The following CCNT1 variants were observed in gnomAD, a reference collection of about 807,000 sequenced individuals.
CCNT1 encodes cyclin-T1.
CCNT1 carries 18 observed loss-of-function variants against 67.3 expected under a neutral mutation model. The ratio of observed to expected loss-of-function variants is 0.27; its 90% CI spans 0.18 to 0.40. The LOEUF (loss-of-function observed/expected upper bound fraction) is 0.40, where lower values mean the gene tolerates loss of function less well. Ranked by LOEUF, CCNT1 falls within the 10% of genes least tolerant of loss-of-function variation. CCNT1 has a pLI of 1.00. For synonymous variants in CCNT1, 333 were observed against 310.3 expected, an observed-to-expected ratio of 1.07 and a Z score of -0.77; for missense variants, 744 against 884.9, an observed-to-expected ratio of 0.84 and a Z score of 2.02.
In CCNT1 at chr12:48,716,649, G is replaced by C. The variant is rs759127329; in HGVS notation, c.27C>G (p.Asn9Lys). The C allele has an allele frequency of 6.2e-7, 1 of 1,614,138 alleles. No homozygotes were observed. The highest frequency in any genetic ancestry group is 1.1e-5 in the South Asian group (1 of 91,080). The change falls in exon 1 of 9, where the codon AAC (asparagine) becomes AAG (lysine). Residue 9 changes from asparagine (N) to lysine (K), a missense_variant. By Grantham distance (94) the Asn-to-Lys change is moderately conservative. Coordinates refer to ENST00000261900, the MANE Select transcript of CCNT1 (RefSeq NM_001240.4). MEGERKNN[N>K]KRWYFTREQL... is the part of the protein sequence containing the mutation. ...GTTCTCGAGTGAAATACCACCGTTT[G>C]TTGTTGTTCTTCCTCTCTCCCTCCA... is the stretch of plus-strand genomic sequence containing the variant.
intron 2 of CCNT1, among the ~76,000 whole-genome samples, chr12:48,714,173 G>A (rs998536538): frequency 6.6e-6 from 1 of 152,180 alleles, no homozygotes; most frequent in Non-Finnish European, 1.5e-5. Flanking sequence ...CTCTCAAAGT[G>A]CTGGGATTAC....
At position 48,705,705 on chromosome 12, in the gene CCNT1, G is replaced by A. The variant is rs534452648; in HGVS notation, c.372+63C>T. 5.6e-5 allele frequency: 75 copies of A among 1,338,608 alleles called. No homozygotes were observed. The African/African-American group carries it at 1.0e-3, about 18-fold the overall frequency. The allele number at this position is 1,338,608 out of a possible 1,614,324, so 82.9% of individuals were successfully genotyped here. A position where few individuals can be genotyped will look rare whatever the true frequency, so the allele number is the denominator to read the frequency against. ...TACATAAAGATCCAGGCATGCTTGG[G>A]AGTAGGGAAAAAAAAAGAAAGGAAA... is the stretch of plus-strand genomic sequence containing the variant. On this transcript the variant is annotated intron_variant, in intron 3 of 8. Transcript: ENST00000261900.
rs759919820 is a variant in CCNT1 at position 48,712,595 on chromosome 12, TAA to T, written c.243+1846_243+1847del. On this transcript the variant is annotated intron_variant, in intron 2 of 8. Coordinates refer to ENST00000261900, the MANE Select transcript of CCNT1 (RefSeq NM_001240.4). ...TCTTTTCCTTAAAAAAAAAAAAAAATAAAAAAAAAAAAAAAAAAAAAAAGCAG... is the reference window on the plus strand; with the variant it reads ...TCTTTTCCTTAAAAAAAAAAAAAAATAAAAAAAAAAAAAAAAAAAAAGCAG... Among the ~76,000 whole-genome samples the T allele has an allele frequency of 1.5e-4, 5 of 33,380 alleles. 1 individual carries two copies. The highest frequency in any genetic ancestry group is 5.9e-4 in the African/African-American group (4 of 6,782). 21.9% of individuals were successfully genotyped at this position (33,380 alleles called of 152,430 possible). A position where few individuals can be genotyped will look rare whatever the true frequency, so the allele number is the denominator to read the frequency against.
intron 3 of CCNT1, among the ~76,000 whole-genome samples, chr12:48,704,025 A>G (rs550130785): frequency 6.6e-6 from 1 of 152,342 alleles, no homozygotes; most frequent in South Asian, 2.1e-4. Context: ...AAATACATAC[A>G]TTCACATATA....
rs566301791 is a variant in CCNT1, at chr12:48,690,626, G to A, written c.*2407C>T. 1 of 152,160 alleles carries A rather than the reference G, an allele frequency of 6.6e-6. No individual in the cohort carries two copies. The highest frequency in any genetic ancestry group is 1.5e-5 in the Non-Finnish European group (1 of 68,042). The allele number at this position is 152,160 out of a possible 1,614,324, so 9.4% of individuals were successfully genotyped here. On this transcript the variant is annotated 3_prime_UTR_variant, in exon 9 of 9. Transcript: ENST00000261900. The stretch of plus-strand genomic sequence containing the variant: ...AAGGTCTCTAAACTGACCTATGTCA[G>A]CAATGATCTACTAGTGCAAAGGCCG...
Position 48,690,125 on chromosome 12 carries a change from G to A in CCNT1, c.*2908C>T, listed in dbSNP as rs1482888107. On this transcript the variant is annotated 3_prime_UTR_variant, in exon 9 of 9. Coordinates refer to ENST00000261900, the MANE Select transcript of CCNT1 (RefSeq NM_001240.4). Reference sequence around the variant, plus strand: ...CTTCAGAAGACCGATTTGGATCGATGCTTCACTACAGTTCAGCTAACAGCA... The same window carrying A: ...CTTCAGAAGACCGATTTGGATCGATACTTCACTACAGTTCAGCTAACAGCA... 6.6e-6 allele frequency: 1 copy of A among 152,180 alleles called. No individual in the cohort carries two copies. The highest frequency in any genetic ancestry group is 6.5e-5 in the Admixed American group (1 of 15,282). The allele number at this position is 152,180 out of a possible 1,614,324, so 9.4% of individuals were successfully genotyped here. A position where few individuals can be genotyped will look rare whatever the true frequency, so the allele number is the denominator to read the frequency against.
rs779191696 is a variant in CCNT1, at chr12:48,689,598, T to C, written c.*3435A>G. On this transcript the variant is annotated 3_prime_UTR_variant, in exon 9 of 9. Coordinates refer to ENST00000261900, the MANE Select transcript of CCNT1 (RefSeq NM_001240.4). ...TCTCCCAAGACCAAAAGAATAAAAT[T>C]TGTATTTCAACTGCAAGATGTTCTA... 11 of 152,200 alleles carry C rather than the reference T, an allele frequency of 7.2e-5. No homozygotes were observed. The highest frequency in any genetic ancestry group is 1.5e-4 in the Non-Finnish European group (10 of 68,024). 9.4% of individuals were successfully genotyped at this position (152,200 alleles called of 1,614,324 possible).
chr12:48,705,805 AGACAAGT>A lies in CCNT1; in HGVS notation c.328_334del (p.Thr110SerfsTer25). 6.2e-7 allele frequency: 1 copy of A among 1,613,276 alleles called. No individual in the cohort carries two copies. Among genetic ancestry groups the A allele is most frequent in the Non-Finnish European group, 8.5e-7 (1 of 1,179,482 alleles). ...ATCAGGAAGGGATTCCTGAGGATGG[AGACAAGT>A]ATGTGCTACCTTGATGACATGTTCC... is the stretch of plus-strand genomic sequence containing the variant. On this transcript the variant is annotated frameshift_variant, in exon 3 of 9. Coordinates refer to ENST00000261900, the MANE Select transcript of CCNT1 (RefSeq NM_001240.4). LOFTEE classifies it high-confidence loss of function.
At chr12:48,709,090 G>A (rs982349017) in intron 2 of CCNT1, among the ~76,000 whole-genome samples, 1 of 152,118 alleles carries the variant, frequency 6.6e-6, no homozygotes, top group Non-Finnish European at 1.5e-5. Context: ...TTGGGGTTGG[G>A]GGGGACTATA....
rs77729410 is a variant in CCNT1, at chr12:48,705,708, T to C, written c.372+60A>G. 6.2e-3 allele frequency: 8,472 copies of C among 1,376,978 alleles called. 403 individuals carry two copies. The African/African-American group carries it at 0.11, about 18-fold the overall frequency. The allele number at this position is 1,376,978 out of a possible 1,614,324, so 85.3% of individuals were successfully genotyped here. On this transcript the variant is annotated intron_variant, in intron 3 of 8. Coordinates refer to ENST00000261900, the MANE Select transcript of CCNT1 (RefSeq NM_001240.4). ...ATAAAGATCCAGGCATGCTTGGGAG[T>C]AGGGAAAAAAAAAGAAAGGAAAAAA...
In CCNT1 at chr12:48,693,955, T is replaced by C; in HGVS notation, c.1259A>G (p.Tyr420Cys). 1.9e-6 allele frequency: 3 copies of C among 1,614,058 alleles called. No homozygotes were observed. The highest frequency in any genetic ancestry group is 2.2e-5 in the East Asian group (1 of 44,898). ...ATGAGAAAGGAGATTCTGGGCAGCA[T>C]ATGCATATTGTGACTTCACATTGGC... ...MEANVKSQYA[Y>C]AAQNLLSHHD... The change falls in exon 9 of 9, where the codon TAT becomes TGT. Residue 420 changes from tyrosine (Y) to cysteine (C), a missense_variant. Physicochemically the swap from Tyr to Cys is radical, Grantham distance 194. Coordinates refer to ENST00000261900, the MANE Select transcript of CCNT1 (RefSeq NM_001240.4).
Position 48,694,101 on chromosome 12 carries a change from T to C in CCNT1, c.1113A>G (p.Ala371=), listed in dbSNP as rs1391073881. Residue 371 remains alanine (A), a synonymous_variant, in exon 9 of 9, where the codon GCA becomes GCG. Transcript: ENST00000261900. ...DHSLPQDGSN[A]FISQKQNSKS... is the part of the protein sequence containing the mutation. ...TACTATTCTGCTTCTGGGAAATAAA[T>C]GCATTTGAACCATCCTGTGGTAAGG... 7 of 1,614,104 alleles carry C rather than the reference T, an allele frequency of 4.3e-6. No individual in the cohort carries two copies. Among genetic ancestry groups the C allele is most frequent in the African/African-American group, 1.3e-5 (1 of 74,938 alleles).
intron 8 of CCNT1, among the ~76,000 whole-genome samples, chr12:48,694,926 C>T (rs956891363): frequency 6.6e-6 from 1 of 152,160 alleles, no homozygotes; most frequent in Non-Finnish European, 1.5e-5. Flanking sequence ...CGAGTTCAAG[C>T]GATTCTCCTG....
chr12:48,703,844 TGAGCCC>T (rs1036697174), intron 3 of CCNT1, among the ~76,000 whole-genome samples: 1 of 151,036 alleles, frequency 6.6e-6, no homozygotes, highest in Non-Finnish European at 1.5e-5. Flanking sequence ...GGGGGATCAC[TGAGCCC>T]GGAAGGTCAA....
Position 48,693,117 on chromosome 12 carries a change from G to A in CCNT1, c.2097C>T (p.Ser699=), listed in dbSNP as rs985711340. ...GTTTGTCTGTATTGCCAGATCTCGA[G>A]GAGATTCCACCAGACCGAGGATTCA... The part of the protein sequence containing the change: ...DYLNPRSGGI[S]SRSGNTDKPR... Residue 699 remains serine (S), a synonymous_variant, in exon 9 of 9, where the codon TCC becomes TCT. Transcript: ENST00000261900. 6.2e-7 allele frequency: 1 copy of A among 1,614,052 alleles called. No individual in the cohort carries two copies. The highest frequency in any genetic ancestry group is 1.1e-5 in the South Asian group (1 of 91,082).
intron 3 of CCNT1, among the ~76,000 whole-genome samples, chr12:48,702,893 G>A (rs971524892): frequency 5.9e-5 from 9 of 152,134 alleles, no homozygotes; most frequent in African/African-American, 2.2e-4. Flanking sequence ...GCCAGTATGG[G>A]AGGATTCTTT....
chr12:48,703,110 T>C (rs1024817111), intron 3 of CCNT1, among the ~76,000 whole-genome samples: 1 of 151,364 alleles, frequency 6.6e-6, no homozygotes, highest in Admixed American at 6.6e-5. Context: ...GACCATCTAG[T>C]TGCAGGAAAA....
Position 48,698,194 on chromosome 12 carries a change from A to AG in CCNT1, c.497-12_497-11insC. 1.3e-6 allele frequency: 2 copies of AG among 1,568,006 alleles called. No homozygotes were observed. The highest frequency in any genetic ancestry group is 1.7e-6 in the Non-Finnish European group (2 of 1,160,242). On this transcript the variant is annotated splice_polypyrimidine_tract_variant and intron_variant, in intron 5 of 8. Coordinates refer to ENST00000261900, the MANE Select transcript of CCNT1 (RefSeq NM_001240.4). ...CTAAGTCCTTGCTTGCTAAAGAAAA[A>AG]AAAAAAAAGTCAGGGGTGGGGGAGG...
chr12:48,696,798 T>C (rs1940174737), intron 6 of CCNT1, among the ~76,000 whole-genome samples: 1 of 152,312 alleles, frequency 6.6e-6, no homozygotes, highest in Non-Finnish European at 1.5e-5. Flanking sequence ...ACTAACAATG[T>C]TGGGCAAGTC....
Sources: gnomAD v4.1 joint callset for allele counts (sites outside exome capture counted in the v4.1 genomes callset) on GRCh38, gnomAD v4.1.1 for gene constraint, MANE v1.5 for transcripts, NCBI Gene and HGNC (gene_info 2026-07-23, HGNC 2026-07-21) for gene names.